The following GALNT13 variants were observed in gnomAD, a reference collection of about 807,000 sequenced individuals.
GALNT13 encodes UDP-GalNAc:polypeptide N-acetylgalactosaminyltransferase 13.
In GALNT13, 28 loss-of-function variants were observed where a neutral mutation model predicts 64.2. The ratio of observed to expected loss-of-function variants is 0.44; its 90% CI spans 0.32 to 0.60. The LOEUF (loss-of-function observed/expected upper bound fraction) is 0.60, where lower values mean the gene tolerates loss of function less well. GALNT13 is among the 20% of genes least tolerant of loss of function. The pLI, the probability that GALNT13 is intolerant of heterozygous loss-of-function variation, is 0.05. For synonymous variants in GALNT13, 214 were observed against 224.6 expected (o/e 0.95, Z 0.42); for missense variants, 577 against 669.8 (o/e 0.86, Z 1.53).
At chr2:153,556,439 C>A in the GALNT13 span, among the ~76,000 whole-genome samples, 1 of 152,080 alleles carries the variant, frequency 6.6e-6, no homozygotes, top group South Asian at 2.1e-4. Flanking sequence ...ATTTTATTTT[C>A]ATATACTTTT....
chr2:153,792,184 C>T, the GALNT13 span, among the ~76,000 whole-genome samples: 2 of 152,160 alleles, frequency 1.3e-5, no homozygotes, highest in Non-Finnish European at 2.9e-5. Flanking sequence ...TAATTACCAT[C>T]AGTCCTCTGT....
At chr2:153,474,574 G>C in the GALNT13 span, among the ~76,000 whole-genome samples, 1 of 152,116 alleles carries the variant, frequency 6.6e-6, no homozygotes, top group Non-Finnish European at 1.5e-5. Flanking sequence ...GGGGAGATTC[G>C]TATCAACAAT....
intron 3 of GALNT13, among the ~76,000 whole-genome samples, chr2:154,125,755 T>C (rs1370766392): frequency 6.6e-6 from 1 of 152,180 alleles, no homozygotes; most frequent in Non-Finnish European, 1.5e-5. Context: ...TTCCTTTTTG[T>C]AATGTGAATC....
At chr2:153,480,280 C>G in the GALNT13 span, among the ~76,000 whole-genome samples, 9 of 152,120 alleles carry the variant, frequency 5.9e-5, no homozygotes, top group African/African-American at 2.2e-4. Flanking sequence ...ATTCCATCTT[C>G]AGAGTGTTCC....
At chr2:154,175,582 C>A (rs1685600376) in intron 4 of GALNT13, among the ~76,000 whole-genome samples, 1 of 152,096 alleles carries the variant, frequency 6.6e-6, no homozygotes, top group African/African-American at 2.4e-5. Context: ...GATTCTTAAC[C>A]TTTAAATGCC....
chr2:154,190,360 A>C (rs991895331), intron 4 of GALNT13, among the ~76,000 whole-genome samples: 4 of 152,180 alleles, frequency 2.6e-5, no homozygotes, highest in African/African-American at 4.8e-5. Context: ...TAAAAGGTGA[A>C]AATAGGTATG....
the GALNT13 span, among the ~76,000 whole-genome samples, chr2:153,438,892 C>T: frequency 0.034 from 5,220 of 152,206 alleles, 305 homozygotes; most frequent in African/African-American, 0.12. Context: ...GGGGGAGAGG[C>T]GCTCTGATTT....
At chr2:153,711,196 T>C in the GALNT13 span, among the ~76,000 whole-genome samples, 1 of 152,110 alleles carries the variant, frequency 6.6e-6, no homozygotes, top group African/African-American at 2.4e-5. Context: ...CTCAGGATGC[T>C]GAAATGAATT....
chr2:153,311,418 T>C, the GALNT13 span, among the ~76,000 whole-genome samples: 1 of 152,208 alleles, frequency 6.6e-6, no homozygotes, highest in Non-Finnish European at 1.5e-5. Flanking sequence ...TATTGGTGCA[T>C]AACAAATTAC....
At chr2:153,295,833 A>C in the GALNT13 span, among the ~76,000 whole-genome samples, 1 of 152,226 alleles carries the variant, frequency 6.6e-6, no homozygotes, top group South Asian at 2.1e-4. Flanking sequence ...TTGAAGGATC[A>C]GAAATAGTGG....
At chr2:154,375,210 G>C (rs527713132) in intron 9 of GALNT13, among the ~76,000 whole-genome samples, 129 of 93,746 alleles carry the variant, frequency 1.4e-3, no homozygotes, top group African/African-American at 3.9e-3. Context: ...GGATGATCTC[G>C]ATCTACTGAC....
At position 154,143,548 on chromosome 2, in the gene GALNT13, ATT is replaced by A. The variant is rs59907351; in HGVS notation, c.311+3054_311+3055del. ...ATGTTTAAAATATTCATAGCCAGTG[ATT>A]TTTTTTTTTTCTTTTAAGAATCTCT... On this transcript the variant is annotated intron_variant, in intron 4 of 12. Coordinates refer to ENST00000392825, the MANE Select transcript of GALNT13 (RefSeq NM_052917.4). Among the ~76,000 whole-genome samples the A allele has an allele frequency of 3.8e-3, 567 of 148,536 alleles. 6 individuals carry two copies. Among genetic ancestry groups the A allele is most frequent in the East Asian group, 0.02 (103 of 5,066 alleles).
chr2:153,643,372 C>A, the GALNT13 span, among the ~76,000 whole-genome samples: 1 of 151,198 alleles, frequency 6.6e-6, no homozygotes, highest in East Asian at 1.9e-4. Context: ...TCATAAATAA[C>A]CACATGACAA....
chr2:153,280,275 C>T, the GALNT13 span, among the ~76,000 whole-genome samples: 1 of 151,870 alleles, frequency 6.6e-6, no homozygotes, highest in Non-Finnish European at 1.5e-5. Flanking sequence ...GTTAATCTAG[C>T]TAGTGATTTA....
At chr2:154,418,599 C>A (rs1700126514) in intron 11 of GALNT13, among the ~76,000 whole-genome samples, 3 of 151,952 alleles carry the variant, frequency 2.0e-5, no homozygotes, top group African/African-American at 7.3e-5. Context: ...GAAAGAGGCC[C>A]TGCTGATACC....
intron 8 of GALNT13, among the ~76,000 whole-genome samples, chr2:154,273,592 C>T (rs1024599906): frequency 6.6e-6 from 1 of 152,162 alleles, no homozygotes; most frequent in African/African-American, 2.4e-5. Flanking sequence ...TAGGATACTA[C>T]TGTATTTTTA....
Position 154,452,883 on chromosome 2 carries a change from C to A in GALNT13, c.*2332C>A, listed in dbSNP as rs1701924052. Reference sequence around the variant, plus strand: ...GATTCATAATGCACTTGTCTTATCCCTTATTTATGGAGCTAGACTGACATA... The same window carrying A: ...GATTCATAATGCACTTGTCTTATCCATTATTTATGGAGCTAGACTGACATA... On this transcript the variant is annotated 3_prime_UTR_variant, in exon 13 of 13. Transcript: ENST00000392825. 1 of 152,238 alleles carries A rather than the reference C, an allele frequency of 6.6e-6. No homozygotes were observed. The highest frequency in any genetic ancestry group is 1.5e-5 in the Non-Finnish European group (1 of 68,000). 9.4% of individuals were successfully genotyped at this position (152,238 alleles called of 1,614,324 possible).
the GALNT13 span, among the ~76,000 whole-genome samples, chr2:153,727,080 G>A: frequency 6.6e-6 from 1 of 151,708 alleles, no homozygotes; most frequent in African/African-American, 2.4e-5. Flanking sequence ...CAGTAATATT[G>A]AAACCTGTAA....
rs150252049 is a variant in GALNT13 at position 154,134,061 on chromosome 2, C to G, written c.143-6276C>G. 2.2e-3 allele frequency among the ~76,000 whole-genome samples: 340 copies of G among 152,118 alleles called. 2 individuals are homozygous for G. Among genetic ancestry groups the G allele is most frequent in the African/African-American group, 7.5e-3 (310 of 41,500 alleles). ...ACCACACACGGGAAGTTTTTATGAG[C>G]CTGGCTTGAATTGGCACATATCATT... On this transcript the variant is annotated intron_variant, in intron 3 of 12. Coordinates refer to ENST00000392825, the MANE Select transcript of GALNT13 (RefSeq NM_052917.4).
Sources: gnomAD v4.1 joint callset for allele counts (sites outside exome capture counted in the v4.1 genomes callset) on GRCh38, gnomAD v4.1.1 for gene constraint, MANE v1.5 for transcripts, NCBI Gene and HGNC (gene_info 2026-07-23, HGNC 2026-07-21) for gene names.